Variants in SETBP1 observed in about 807,000 individuals in gnomAD.
SETBP1 encodes SET binding protein 1.
In SETBP1, 9 loss-of-function variants were observed where a neutral mutation model predicts 101.0. The observed-to-expected ratio is 0.09, with a 90% CI of 0.05 to 0.16. The LOEUF (loss-of-function observed/expected upper bound fraction) is 0.16, where lower values mean the gene tolerates loss of function less well. SETBP1 is among the 10% of genes least tolerant of loss of function. The pLI, the probability that SETBP1 is intolerant of heterozygous loss-of-function variation, is 1.00. For synonymous variants in SETBP1, 818 were observed against 788.5 expected (o/e 1.04, Z -0.63); for missense variants, 1,858 against 2,033.8 (o/e 0.91, Z 1.66).
In SETBP1 at chr18:44,769,145, G is replaced by A. The variant is rs188632728; in HGVS notation, c.486+67313G>A. 6.3e-4 allele frequency among the ~76,000 whole-genome samples: 96 copies of A among 152,314 alleles called. 1 individual carries two copies. The highest frequency in any genetic ancestry group is 2.2e-3 in the African/African-American group (92 of 41,570). ...TGGTTTGGTGGTTGGTCCAGAAAAGGAACTCTCATCTACAATGAATTCAAG... is the reference window on the plus strand; with the variant it reads ...TGGTTTGGTGGTTGGTCCAGAAAAGAAACTCTCATCTACAATGAATTCAAG... On this transcript the variant is annotated intron_variant, in intron 2 of 5. Coordinates refer to ENST00000649279, the MANE Select transcript of SETBP1 (RefSeq NM_015559.3).
chr18:44,763,113 A>G (rs146951886), intron 2 of SETBP1, among the ~76,000 whole-genome samples: 1 of 152,348 alleles, frequency 6.6e-6, no homozygotes, highest in African/African-American at 2.4e-5. Context: ...TCACTGATGA[A>G]TTTAACTGGG....
At position 45,063,579 on chromosome 18, in the gene SETBP1, C is replaced by T; in HGVS notation, c.4672C>T (p.Gln1558Ter). Residue 1558 changes from glutamine to a stop codon, truncating the protein, a stop_gained, in exon 6 of 6, where the codon CAG (glutamine) becomes TAG (stop). Transcript: ENST00000649279. LOFTEE classifies it high-confidence loss of function. ...PRGGKRKHKP[Q>*]APAQPPQQSP... ...AGGCGGAAAGAGGAAACACAAACCG[C>T]AGGCCCCCGCTCAGCCCCCACAGCA... The T allele has an allele frequency of 6.4e-7, 1 of 1,566,486 alleles. No homozygotes were observed. Among genetic ancestry groups the T allele is most frequent in the Non-Finnish European group, 8.7e-7 (1 of 1,155,308 alleles).
intron 4 of SETBP1, among the ~76,000 whole-genome samples, chr18:44,961,178 AG>A (rs2071603123): frequency 6.6e-6 from 1 of 152,206 alleles, no homozygotes; most frequent in Non-Finnish European, 1.5e-5. Flanking sequence ...TTAAACACAG[AG>A]GCAGAGGAAG....
At chr18:44,808,874 C>G (rs1219791864) in intron 2 of SETBP1, among the ~76,000 whole-genome samples, 1 of 152,118 alleles carries the variant, frequency 6.6e-6, no homozygotes, top group East Asian at 1.9e-4. Flanking sequence ...GCTACAAATC[C>G]TTGCTTTCCC....
At chr18:44,709,881 A>C (rs1196474379) in intron 2 of SETBP1, among the ~76,000 whole-genome samples, 1 of 150,182 alleles carries the variant, frequency 6.7e-6, no homozygotes, top group East Asian at 2.0e-4. Context: ...AGATAGTTCA[A>C]AGGTCTTTTA....
At chr18:44,791,757 G>GT (rs1356443589) in intron 2 of SETBP1, among the ~76,000 whole-genome samples, 2 of 152,244 alleles carry the variant, frequency 1.3e-5, no homozygotes, top group Non-Finnish European at 2.9e-5. Context: ...GAGAGCAAGA[G>GT]TGAGAGAGCG....
chr18:44,853,991 C>A (rs534609546), intron 2 of SETBP1, among the ~76,000 whole-genome samples: 4 of 152,154 alleles, frequency 2.6e-5, no homozygotes, highest in Non-Finnish European at 5.9e-5. Flanking sequence ...TTCATTAATT[C>A]TTTTGTCCTA....
chr18:44,957,949 A>G (rs999655670), intron 4 of SETBP1, among the ~76,000 whole-genome samples: 12 of 152,322 alleles, frequency 7.9e-5, no homozygotes, highest in African/African-American at 2.6e-4. Context: ...CTCTTGTGGG[A>G]GGAAATGAAA....
At chr18:44,825,328 T>G (rs930587023) in intron 2 of SETBP1, among the ~76,000 whole-genome samples, 1 of 152,234 alleles carries the variant, frequency 6.6e-6, no homozygotes, top group African/African-American at 2.4e-5. Context: ...GGGCTGTGTT[T>G]GCTGGAAGCC....
At chr18:44,742,369 G>T (rs1293602988) in intron 2 of SETBP1, among the ~76,000 whole-genome samples, 1 of 152,182 alleles carries the variant, frequency 6.6e-6, no homozygotes, top group Non-Finnish European at 1.5e-5. Flanking sequence ...GGGAGATTTT[G>T]CTCTGGTTTC....
chr18:44,949,955 C>G lies in SETBP1; in HGVS notation c.615C>G (p.Thr205=). ...TGLPQDFTGD[T]LKPKHQQKSS... Reference sequence around the variant, plus strand: ...TCCCACAGGACTTCACCGGTGACACCTTAAAACCAAAGCACCAGCAAAAAA... The same window carrying G: ...TCCCACAGGACTTCACCGGTGACACGTTAAAACCAAAGCACCAGCAAAAAA... The change falls in exon 4 of 6, where the codon ACC becomes ACG. Residue 205 remains threonine (T), a synonymous_variant. Transcript: ENST00000649279. The G allele has an allele frequency of 1.9e-6, 3 of 1,614,124 alleles. No individual in the cohort carries two copies. The highest frequency in any genetic ancestry group is 2.5e-6 in the Non-Finnish European group (3 of 1,180,036).
At chr18:45,044,881 C>G (rs954523642) in intron 5 of SETBP1, among the ~76,000 whole-genome samples, 2 of 152,214 alleles carry the variant, frequency 1.3e-5, no homozygotes, top group East Asian at 3.9e-4. Flanking sequence ...GCAAGTTGTT[C>G]AGTTAGTGTC....
intron 2 of SETBP1, among the ~76,000 whole-genome samples, chr18:44,761,299 C>A (rs2070637318): frequency 6.6e-6 from 1 of 152,148 alleles, no homozygotes; most frequent in African/African-American, 2.4e-5. Context: ...TTCTAGCTAT[C>A]TTGAACTATA....
intron 4 of SETBP1, among the ~76,000 whole-genome samples, chr18:44,993,714 C>G (rs2072430380): frequency 6.6e-6 from 1 of 151,776 alleles, no homozygotes. Flanking sequence ...TAATGAAATT[C>G]CAGTCAAAAT....
intron 5 of SETBP1, among the ~76,000 whole-genome samples, chr18:45,048,417 C>G (rs1367082128): frequency 6.6e-6 from 1 of 152,182 alleles, no homozygotes; most frequent in Non-Finnish European, 1.5e-5. Context: ...AGGATTTAAT[C>G]ATGTGAAGTC....
chr18:44,842,766 T>G (rs1266281086), intron 2 of SETBP1, among the ~76,000 whole-genome samples: 1 of 152,244 alleles, frequency 6.6e-6, no homozygotes. Flanking sequence ...ACTTCTCTAG[T>G]TTTGTGGGTG....
intron 3 of SETBP1, among the ~76,000 whole-genome samples, chr18:44,934,310 A>C (rs1026540033): frequency 8.6e-5 from 13 of 152,036 alleles, no homozygotes; most frequent in African/African-American, 3.1e-4. Context: ...CAGCATGCCC[A>C]GCTAATTTTT....
intron 2 of SETBP1, among the ~76,000 whole-genome samples, chr18:44,828,267 T>G (rs2072279186): frequency 6.6e-6 from 1 of 152,124 alleles, no homozygotes. Context: ...TCCGTTATGT[T>G]GAAATGCGGT....
intron 2 of SETBP1, among the ~76,000 whole-genome samples, chr18:44,854,389 A>C (rs1235425180): frequency 2.0e-5 from 3 of 152,178 alleles, no homozygotes; most frequent in African/African-American, 7.2e-5. Flanking sequence ...CGTGTTCTAC[A>C]AGGTGGGTCA....
Sources: allele counts gnomAD v4.1 joint callset (sites outside exome capture counted in the v4.1 genomes callset), GRCh38; gene constraint gnomAD v4.1.1; transcripts MANE v1.5; gene names NCBI Gene and HGNC (gene_info 2026-07-23, HGNC 2026-07-21).